Variants in WDR64 observed in about 807,000 individuals in gnomAD.
WDR64 encodes WD repeat-containing protein 64.
WDR64 carries 112 observed loss-of-function variants against 139.3 expected under a neutral mutation model. The observed-to-expected ratio is 0.80, with a 90% CI of 0.69 to 0.94. The LOEUF is 0.94. Among genes scored for constraint, WDR64 ranks in the 40% least tolerant of loss-of-function variants. The pLI is 0.00. For missense variants in WDR64, 1,206 were observed against 1,293.1 expected (o/e 0.93, Z 1.03); for synonymous variants, 444 against 437.7 (o/e 1.01, Z -0.18).
chr1:241,662,945 A>G (rs1665887428), intron 2 of WDR64, among the ~76,000 whole-genome samples: 1 of 152,200 alleles, frequency 6.6e-6, no homozygotes, highest in African/African-American at 2.4e-5. Flanking sequence ...CAAAATTCTC[A>G]TTATTTGTGG....
intron 25 of WDR64, among the ~76,000 whole-genome samples, 159 bp downstream of exon 25, chr1:241,790,855 A>T (rs565132009): frequency 6.6e-6 from 1 of 152,314 alleles, no homozygotes; most frequent in African/African-American, 2.4e-5. Context: ...ATACAAATTA[A>T]TTATCTCCCA....
chr1:241,790,599 A>G lies in WDR64; in HGVS notation c.2900A>G (p.Lys967Arg), dbSNP rs779369390. Reference protein sequence around the residue: ...PLIFDREKWRKMSSVSLLFKR... With the variant: ...PLIFDREKWRRMSSVSLLFKR... ...TGTATCTTTATATGCAGATGGAGAA[A>G]AATGAGCTCAGTGTCTCTACTTTTC... The change falls in exon 25 of 28, where the codon AAA becomes AGA. Residue 967 changes from lysine (K) to arginine (R), a missense_variant. Lys to Arg is a conservative substitution (Grantham distance 26). Transcript: ENST00000437684. 15 of 1,608,772 alleles carry G rather than the reference A, an allele frequency of 9.3e-6. No homozygotes were observed. The Admixed American group carries it at 2.1e-4, about 22-fold the overall frequency.
At chr1:241,682,095 G>C (rs572641114) in intron 6 of WDR64, among the ~76,000 whole-genome samples, 2 of 152,044 alleles carry the variant, frequency 1.3e-5, no homozygotes, top group African/African-American at 2.4e-5. Context: ...TACTCTGCTG[G>C]CTTCTTTTTG....
chr1:241,706,835 T>C (rs1446980073), intron 8 of WDR64, among the ~76,000 whole-genome samples: 21 of 152,224 alleles, frequency 1.4e-4, no homozygotes, highest in Admixed American at 1.4e-3. Context: ...ACAAATTTTA[T>C]TTAAATAATT....
chr1:241,769,718 A>T (rs1296932846), intron 17 of WDR64, among the ~76,000 whole-genome samples: 1 of 152,216 alleles, frequency 6.6e-6, no homozygotes, highest in African/African-American at 2.4e-5. Context: ...TTTGGAGGTG[A>T]GGTTCTCCTC....
chr1:241,719,499 G>A (rs1383673911), intron 9 of WDR64, among the ~76,000 whole-genome samples: 1 of 152,066 alleles, frequency 6.6e-6, no homozygotes, highest in African/African-American at 2.4e-5. Context: ...TTGATGGATG[G>A]ATTGGGATAC....
At chr1:241,779,529 A>G (rs1400201235) in intron 21 of WDR64, among the ~76,000 whole-genome samples, 1 of 152,210 alleles carries the variant, frequency 6.6e-6, no homozygotes, top group East Asian at 1.9e-4. Flanking sequence ...ATTTCTACAC[A>G]TAAAAATGAA....
Position 241,734,355 on chromosome 1 carries a change from C to A in WDR64, c.1195-4008C>A, listed in dbSNP as rs144885238. On this transcript the variant is annotated intron_variant, in intron 10 of 27. Coordinates refer to ENST00000437684, the MANE Select transcript of WDR64 (RefSeq NM_001367482.1). ...CCCCTGAGTGAGGCTATGTCATGGG[C>A]GTGTGTCCTCAACCTTGGCAAAATA... 1.7e-3 allele frequency among the ~76,000 whole-genome samples: 265 copies of A among 152,176 alleles called. 1 individual carries two copies. Among genetic ancestry groups the A allele is most frequent in the African/African-American group, 5.4e-3 (224 of 41,524 alleles).
intron 9 of WDR64, 87 bp downstream of exon 9, chr1:241,711,968 G>C (rs1370236165): frequency 5.5e-6 from 7 of 1,262,948 alleles, no homozygotes; most frequent in Non-Finnish European, 7.9e-6. Context: ...GAACACATTA[G>C]GGAATTTACA....
chr1:241,701,011 G>C (rs184957433), intron 8 of WDR64, among the ~76,000 whole-genome samples: 5 of 152,128 alleles, frequency 3.3e-5, no homozygotes, highest in African/African-American at 1.2e-4. Context: ...CATTCCCTTT[G>C]TTCAAGCATT....
chr1:241,787,277 T>G (rs1659071261), intron 23 of WDR64, among the ~76,000 whole-genome samples: 1 of 142,164 alleles, frequency 7.0e-6, no homozygotes, highest in Non-Finnish European at 1.5e-5. Context: ...GGCAGGAGAA[T>G]GGCATGAACC....
At chr1:241,675,782 G>A (rs1226559358) in intron 4 of WDR64, among the ~76,000 whole-genome samples, 1 of 152,202 alleles carries the variant, frequency 6.6e-6, no homozygotes, top group African/African-American at 2.4e-5. Flanking sequence ...ATTGTAGTGA[G>A]GGTCAAATGA....
intron 3 of WDR64, among the ~76,000 whole-genome samples, chr1:241,673,693 G>A (rs568641932): frequency 6.6e-6 from 1 of 152,352 alleles, no homozygotes; most frequent in Non-Finnish European, 1.5e-5. Flanking sequence ...ACTAGGGTAT[G>A]ACACCTGTTC....
At chr1:241,754,184 A>G (rs1670083586) in intron 14 of WDR64, among the ~76,000 whole-genome samples, 1 of 152,140 alleles carries the variant, frequency 6.6e-6, no homozygotes, top group Non-Finnish European at 1.5e-5. Context: ...AATATGTTTA[A>G]AAATTAGTTT....
At chr1:241,795,466 C>T (rs1003358623) in intron 26 of WDR64, among the ~76,000 whole-genome samples, 179 bp downstream of exon 26, 7 of 152,094 alleles carry the variant, frequency 4.6e-5, no homozygotes, top group African/African-American at 7.2e-5. Flanking sequence ...TGTCAATGAC[C>T]GGGTCCCTTG....
rs1558454285 is a variant in WDR64, at chr1:241,652,609, G to A, written c.125G>A (p.Gly42Asp). 2.6e-6 allele frequency: 4 copies of A among 1,551,710 alleles called. No homozygotes were observed. The highest frequency in any genetic ancestry group is 3.5e-6 in the Non-Finnish European group (4 of 1,146,998). Reference sequence around the variant, plus strand: ...GCCCAGAAAAGAGATGAAAGAGCAGGCTTATTTATCCATAAAGAAGGTAAG... The same window carrying A: ...GCCCAGAAAAGAGATGAAAGAGCAGACTTATTTATCCATAAAGAAGGTAAG... ...TAAQKRDERA[G>D]LFIHKEDAIG... Residue 42 changes from glycine (G) to aspartate (D), a missense_variant, in exon 1 of 28, where the codon GGC becomes GAC. By Grantham distance (94) the Gly-to-Asp change is moderately conservative (BLOSUM62 -1). Transcript: ENST00000437684.
chr1:241,771,351 A>G (rs1658421613), intron 18 of WDR64, among the ~76,000 whole-genome samples: 1 of 152,174 alleles, frequency 6.6e-6, no homozygotes, highest in Non-Finnish European at 1.5e-5. Context: ...AATAATAAAG[A>G]TGAAGTTGCA....
Position 241,671,083 on chromosome 1 carries a change from T to C in WDR64, c.286T>C (p.Tyr96His). 6.5e-7 allele frequency: 1 copy of C among 1,547,304 alleles called. No homozygotes were observed. The highest frequency in any genetic ancestry group is 8.7e-7 in the Non-Finnish European group (1 of 1,145,386). ...ASADWCEIFG[Y>H]FSSEEDPIAS... is the part of the protein sequence containing the mutation. ...CTGTTTGGGATTTCAGATCTTTGGA[T>C]ACTTCTCCTCTGAAGAAGATCCTAT... Residue 96 changes from tyrosine (Y) to histidine (H), a missense_variant, in exon 3 of 28, where the codon TAC becomes CAC. Tyr to His is a moderately conservative substitution (Grantham distance 83, BLOSUM62 2). Coordinates refer to ENST00000437684, the MANE Select transcript of WDR64 (RefSeq NM_001367482.1).
chr1:241,784,887 G>GC (rs1658977447), intron 23 of WDR64, among the ~76,000 whole-genome samples: 2 of 143,596 alleles, frequency 1.4e-5, no homozygotes, highest in Non-Finnish European at 3.0e-5. Flanking sequence ...CTGGGAGGCG[G>GC]AGATTGTAGT....
Sources: gnomAD v4.1 joint callset for allele counts (sites outside exome capture counted in the v4.1 genomes callset) on GRCh38, gnomAD v4.1.1 for gene constraint, MANE v1.5 for transcripts, NCBI Gene and HGNC (gene_info 2026-07-23, HGNC 2026-07-21) for gene names.